Variants in AGAP1 observed in about 807,000 individuals in gnomAD.
AGAP1 encodes arf-GAP with GTPase, ANK repeat and PH domain-containing protein 1.
Under a neutral mutation model 105.3 loss-of-function variants are expected in AGAP1, and 29 were observed. That is an observed-to-expected ratio of 0.28 (90% confidence interval 0.21 to 0.38). AGAP1 has a LOEUF of 0.38. Among genes scored for constraint, AGAP1 ranks in the 10% least tolerant of loss-of-function variants. The pLI is 1.00. For synonymous variants in AGAP1, 509 were observed against 485.9 expected, an observed-to-expected ratio of 1.05 and a Z score of -0.63; for missense variants, 998 against 1,165.1, an observed-to-expected ratio of 0.86 and a Z score of 2.09.
chr2:236,058,089 A>G lies in AGAP1; in HGVS notation c.2114+8808A>G, dbSNP rs2058096563. 1.3e-5 allele frequency among the ~76,000 whole-genome samples: 2 copies of G among 152,178 alleles called. No homozygotes were observed. The highest frequency in any genetic ancestry group is 2.1e-4 in the South Asian group (1 of 4,826). ...GAGCCCCACCCAAGCCTACCCAGTC[A>G]GCATCCCTAGGGGGTAGGGTCCAGT... On this transcript the variant is annotated intron_variant, in intron 16 of 17. Transcript: ENST00000304032. This position sits in a 1 kb window ranked among gnomAD's most constrained non-coding sequence, Gnocchi z 4.6.
Position 235,862,357 on chromosome 2 carries a change from C to T in AGAP1, c.1051-20988C>T, listed in dbSNP as rs533315841. On this transcript the variant is annotated intron_variant, in intron 9 of 17. Coordinates refer to ENST00000304032, the MANE Select transcript of AGAP1 (RefSeq NM_001037131.3). ...GTCCTTGTCATCGTCATCAAAGTGG[C>T]GGTGGTAGTAATAGCAGTATAAGGA... 1.1e-4 allele frequency among the ~76,000 whole-genome samples: 17 copies of T among 152,288 alleles called. No individual in the cohort carries two copies. In the South Asian group the frequency reaches 2.5e-3, roughly 22 times the overall value.
chr2:235,687,890 G>A lies in AGAP1; in HGVS notation c.164-21289G>A, dbSNP rs1325068032. On this transcript the variant is annotated intron_variant, in intron 1 of 17. Transcript: ENST00000304032. ...TTTTGGATTTTTCTTCTTAATCGCCGCTCTCTGACTTTTTTTTTTTTTTTT... is the reference window on the plus strand; with the variant it reads ...TTTTGGATTTTTCTTCTTAATCGCCACTCTCTGACTTTTTTTTTTTTTTTT... Among the ~76,000 whole-genome samples, 6 of 131,280 alleles carry A rather than the reference G, an allele frequency of 4.6e-5. No homozygotes were observed. In the South Asian group the frequency reaches 1.2e-3, roughly 27 times the overall value. The allele number at this position is 131,280 out of a possible 152,430, so 86.1% of individuals were successfully genotyped here. A position where few individuals can be genotyped will look rare whatever the true frequency, so the allele number is the denominator to read the frequency against.
At chr2:235,727,903 G>T (rs1951729461) in intron 3 of AGAP1, among the ~76,000 whole-genome samples, 1 of 152,214 alleles carries the variant, frequency 6.6e-6, no homozygotes, top group African/African-American at 2.4e-5. Flanking sequence ...TAGTTTGGGG[G>T]CCTGGCTGTG....
intron 1 of AGAP1, among the ~76,000 whole-genome samples, chr2:235,698,221 A>T (rs556456526): frequency 6.6e-6 from 1 of 152,236 alleles, no homozygotes; most frequent in Non-Finnish European, 1.5e-5. Flanking sequence ...GGCGGGGCTC[A>T]GGAGGTGGTG....
intron 13 of AGAP1, among the ~76,000 whole-genome samples, chr2:235,975,372 G>A (rs986205437): frequency 3.3e-5 from 5 of 152,106 alleles, no homozygotes; most frequent in African/African-American, 4.8e-5. Flanking sequence ...AAAGCAATAC[G>A]TGGGTGCGTG....
At chr2:235,738,350 T>G (rs1247321164) in intron 3 of AGAP1, among the ~76,000 whole-genome samples, 1 of 152,024 alleles carries the variant, frequency 6.6e-6, no homozygotes, top group African/African-American at 2.4e-5. Context: ...AGGCTCTGTT[T>G]ACCCTCATTT....
At chr2:235,950,018 A>G (rs1184147756) in intron 12 of AGAP1, among the ~76,000 whole-genome samples, 1 of 151,996 alleles carries the variant, frequency 6.6e-6, no homozygotes, top group African/African-American at 2.4e-5. Flanking sequence ...AAAAATAGCA[A>G]TGAAGCAGCT....
chr2:236,084,362 C>T (rs769047142), intron 16 of AGAP1, among the ~76,000 whole-genome samples: 1 of 152,228 alleles, frequency 6.6e-6, no homozygotes, highest in Non-Finnish European at 1.5e-5. Flanking sequence ...CATTCTGGAA[C>T]GAATGATAAG....
At chr2:235,540,673 C>G (rs1303355083) in intron 1 of AGAP1, among the ~76,000 whole-genome samples, 2 of 152,122 alleles carry the variant, frequency 1.3e-5, no homozygotes, top group Admixed American at 1.3e-4. Flanking sequence ...TAATGGTGAG[C>G]AAATCCTTGT....
In AGAP1 at chr2:236,035,109, G is replaced by A. The variant is rs1460252938; in HGVS notation, c.1646-1452G>A. On this transcript the variant is annotated intron_variant, in intron 13 of 17. Coordinates refer to ENST00000304032, the MANE Select transcript of AGAP1 (RefSeq NM_001037131.3). The surrounding 1 kb of genome is among the most constrained non-coding windows in gnomAD (Gnocchi z 4.2). ...GGTCAGTAAGCCGTGCTTGGAAGCTGGGCTAGAGGGACCAAGAGTCTGGAA... is the reference window on the plus strand; with the variant it reads ...GGTCAGTAAGCCGTGCTTGGAAGCTAGGCTAGAGGGACCAAGAGTCTGGAA... Among the ~76,000 whole-genome samples the A allele has an allele frequency of 1.3e-5, 2 of 152,196 alleles. No individual in the cohort carries two copies. Among genetic ancestry groups the A allele is most frequent in the African/African-American group, 4.8e-5 (2 of 41,452 alleles).
chr2:236,018,127 T>C (rs1291984277), intron 13 of AGAP1, among the ~76,000 whole-genome samples: 1 of 152,254 alleles, frequency 6.6e-6, no homozygotes, highest in Non-Finnish European at 1.5e-5. Flanking sequence ...ATGTACAAAC[T>C]TTTGTTGCTT....
intron 9 of AGAP1, among the ~76,000 whole-genome samples, chr2:235,869,927 G>T (rs915849295): frequency 6.6e-6 from 1 of 152,214 alleles, no homozygotes. Context: ...CTTCCCAGGG[G>T]TGTAAAGCAG....
chr2:235,683,695 C>G (rs1949215140), intron 1 of AGAP1, among the ~76,000 whole-genome samples: 1 of 150,846 alleles, frequency 6.6e-6, no homozygotes, highest in Non-Finnish European at 1.5e-5. Flanking sequence ...CTTTCTCTCT[C>G]TCTCTTTTTT....
intron 16 of AGAP1, among the ~76,000 whole-genome samples, chr2:236,108,897 G>A (rs2059575588): frequency 6.6e-6 from 1 of 152,174 alleles, no homozygotes; most frequent in Non-Finnish European, 1.5e-5. Flanking sequence ...AGACAGTGCT[G>A]AAAGGCAGTC....
In AGAP1 at chr2:236,092,684, G is replaced by A. The variant is rs967570086; in HGVS notation, c.2115-27508G>A. Among the ~76,000 whole-genome samples the A allele has an allele frequency of 2.6e-5, 4 of 152,180 alleles. No individual in the cohort carries two copies. The highest frequency in any genetic ancestry group is 2.6e-4 in the Admixed American group (4 of 15,278). On this transcript the variant is annotated intron_variant, in intron 16 of 17. Transcript: ENST00000304032. This position sits in a 1 kb window ranked among gnomAD's most constrained non-coding sequence, Gnocchi z 4.7. Reference sequence around the variant, plus strand: ...TGGGATTACAGGCGTGAGCCACCGCGCCCGGCCGTATTATTTCTTTAAACT... The same window carrying A: ...TGGGATTACAGGCGTGAGCCACCGCACCCGGCCGTATTATTTCTTTAAACT...
intron 9 of AGAP1, among the ~76,000 whole-genome samples, chr2:235,861,222 T>G (rs1316201018): frequency 2.0e-5 from 3 of 152,254 alleles, no homozygotes; most frequent in African/African-American, 7.2e-5. Context: ...GTAGTTTTTT[T>G]AAATGTGATG....
intron 13 of AGAP1, among the ~76,000 whole-genome samples, chr2:236,026,058 C>T (rs984217984): frequency 6.6e-6 from 1 of 152,244 alleles, no homozygotes; most frequent in Non-Finnish European, 1.5e-5. Context: ...GCATTCATAC[C>T]TGTCCACAGG....
At chr2:235,771,126 C>A (rs894461247) in intron 6 of AGAP1, among the ~76,000 whole-genome samples, 5 of 152,242 alleles carry the variant, frequency 3.3e-5, no homozygotes, top group Non-Finnish European at 7.3e-5. Context: ...CTGGGTCCGG[C>A]ATGGCCCCCA....
intron 1 of AGAP1, among the ~76,000 whole-genome samples, chr2:235,698,271 C>CGCTTCGCTTT (rs1553608387): frequency 6.6e-6 from 1 of 151,688 alleles, no homozygotes; most frequent in African/African-American, 2.4e-5. Flanking sequence ...GATGAAGCTT[C>CGCTTCGCTTT]GCTTTGCTTG....
Sources: allele counts gnomAD v4.1 joint callset (sites outside exome capture counted in the v4.1 genomes callset), GRCh38; gene constraint gnomAD v4.1.1; non-coding constraint Gnocchi (gnomAD v3.1); transcripts MANE v1.5; gene names NCBI Gene and HGNC (gene_info 2026-07-23, HGNC 2026-07-21).